The following LMX1A variants were observed in gnomAD, a reference collection of about 807,000 sequenced individuals.
LMX1A encodes LIM homeobox transcription factor 1 alpha.
LMX1A carries 15 observed loss-of-function variants against 49.1 expected under a neutral mutation model. That is an observed-to-expected ratio of 0.31 (90% CI 0.20 to 0.47). LMX1A has a LOEUF of 0.47. Among genes scored for constraint, LMX1A ranks in the 20% least tolerant of loss-of-function variants. LMX1A has a pLI of 1.00. For missense variants in LMX1A, 372 were observed against 475.8 expected, an observed-to-expected ratio of 0.78 and a Z score of 2.03; for synonymous variants, 167 against 185.7, an observed-to-expected ratio of 0.90 and a Z score of 0.82.
intron 4 of LMX1A, among the ~76,000 whole-genome samples, chr1:165,235,330 G>A (rs913191413): frequency 1.8e-4 from 27 of 152,162 alleles, no homozygotes; most frequent in African/African-American, 6.0e-4. Context: ...GAGCGAAAGA[G>A]GGAAGGCAAT....
chr1:165,258,485 C>A (rs968311896), intron 3 of LMX1A, among the ~76,000 whole-genome samples: 1 of 152,072 alleles, frequency 6.6e-6, no homozygotes, highest in African/African-American at 2.4e-5. Flanking sequence ...GAGACAGTCT[C>A]AAGACTCTGC....
chr1:165,345,457 T>C (rs1480076629), intron 3 of LMX1A, among the ~76,000 whole-genome samples: 1 of 152,224 alleles, frequency 6.6e-6, no homozygotes, highest in Non-Finnish European at 1.5e-5. Flanking sequence ...GCCAGGCTTC[T>C]GGCCAAATGA....
chr1:165,227,950 T>C (rs1212710665), intron 4 of LMX1A, among the ~76,000 whole-genome samples: 1 of 152,214 alleles, frequency 6.6e-6, no homozygotes, highest in Non-Finnish European at 1.5e-5. Flanking sequence ...ATTCGTGCAT[T>C]TGACAAACAT....
At chr1:165,216,316 G>A (rs1433998508) in intron 4 of LMX1A, among the ~76,000 whole-genome samples, 1 of 152,204 alleles carries the variant, frequency 6.6e-6, no homozygotes, top group Non-Finnish European at 1.5e-5. Flanking sequence ...GCACAGATTT[G>A]CCCTGGATAG....
At chr1:165,251,884 A>G (rs571965964) in intron 3 of LMX1A, among the ~76,000 whole-genome samples, 1 of 152,242 alleles carries the variant, frequency 6.6e-6, no homozygotes, top group Non-Finnish European at 1.5e-5. Context: ...TCTCAAAACT[A>G]CAATATGAAA....
At chr1:165,239,520 A>C (rs1359552291) in intron 4 of LMX1A, among the ~76,000 whole-genome samples, 2 of 152,206 alleles carry the variant, frequency 1.3e-5, no homozygotes, top group Non-Finnish European at 2.9e-5. Flanking sequence ...AGAAGACAAA[A>C]GTTCAGCATA....
At chr1:165,216,804 A>T (rs1352089538) in intron 4 of LMX1A, among the ~76,000 whole-genome samples, 1 of 152,208 alleles carries the variant, frequency 6.6e-6, no homozygotes, top group Admixed American at 6.5e-5. Context: ...CATGGTATCT[A>T]CAAGCATGGC....
intron 3 of LMX1A, among the ~76,000 whole-genome samples, chr1:165,261,861 C>T (rs1036745995): frequency 6.6e-6 from 1 of 151,874 alleles, no homozygotes; most frequent in Non-Finnish European, 1.5e-5. Context: ...CAGTTGCTTC[C>T]AGGAAAAGAA....
At chr1:165,282,760 G>C (rs1654191829) in intron 3 of LMX1A, among the ~76,000 whole-genome samples, 1 of 152,150 alleles carries the variant, frequency 6.6e-6, no homozygotes, top group South Asian at 2.1e-4. Context: ...TCTTCAACCA[G>C]TCCTTCTAGG....
chr1:165,339,003 G>C (rs1468517626), intron 3 of LMX1A, among the ~76,000 whole-genome samples: 4 of 152,182 alleles, frequency 2.6e-5, no homozygotes, highest in South Asian at 2.1e-4. Context: ...CTGTTTGTGA[G>C]CATGTTCCAC....
chr1:165,243,862 G>T (rs997398657), intron 4 of LMX1A, among the ~76,000 whole-genome samples: 1 of 152,208 alleles, frequency 6.6e-6, no homozygotes, highest in African/African-American at 2.4e-5. Flanking sequence ...TAAAATCCTT[G>T]AACACTCCAT....
At chr1:165,342,416 C>T (rs1656103337) in intron 3 of LMX1A, among the ~76,000 whole-genome samples, 1 of 152,148 alleles carries the variant, frequency 6.6e-6, no homozygotes, top group Non-Finnish European at 1.5e-5. Context: ...CAGACAAGCT[C>T]CCAGGACAAA....
chr1:165,225,684 G>A (rs1016578540), intron 4 of LMX1A, among the ~76,000 whole-genome samples: 1 of 152,238 alleles, frequency 6.6e-6, no homozygotes, highest in Non-Finnish European at 1.5e-5. Flanking sequence ...CTGGTGGGCT[G>A]GTGAAAACAC....
intron 3 of LMX1A, among the ~76,000 whole-genome samples, chr1:165,268,992 C>T (rs1653707435): frequency 6.6e-6 from 1 of 152,162 alleles, no homozygotes; most frequent in Non-Finnish European, 1.5e-5. Flanking sequence ...TAGTATGTGG[C>T]CTCTTCTAGA....
intron 3 of LMX1A, among the ~76,000 whole-genome samples, chr1:165,304,976 T>C (rs1337721746): frequency 6.6e-6 from 1 of 152,206 alleles, no homozygotes; most frequent in Non-Finnish European, 1.5e-5. Context: ...AGTTATAACC[T>C]GCACATTGTT....
intron 3 of LMX1A, among the ~76,000 whole-genome samples, chr1:165,335,812 T>G (rs1407563681): frequency 6.6e-6 from 1 of 152,120 alleles, no homozygotes; most frequent in Non-Finnish European, 1.5e-5. Flanking sequence ...TTTTTTTTCT[T>G]GAATCTGATG....
intron 3 of LMX1A, among the ~76,000 whole-genome samples, chr1:165,281,606 G>A (rs938240940): frequency 6.6e-6 from 1 of 152,186 alleles, no homozygotes; most frequent in African/African-American, 2.4e-5. Context: ...AGGCAGAGAG[G>A]AAAGCAGGCT....
In LMX1A at chr1:165,205,770, G is replaced by A. The variant is rs965507810; in HGVS notation, c.988+94C>T. The stretch of plus-strand genomic sequence containing the variant: ...GCACATTATTCTGCTTTGGAACTTC[G>A]GTGAGCATCTGGGAACTGCCTAGAT... On this transcript the variant is annotated intron_variant, in intron 8 of 8. Transcript: ENST00000342310. 5.1e-5 allele frequency: 61 copies of A among 1,202,364 alleles called. 1 individual carries two copies. The highest frequency in any genetic ancestry group is 1.7e-4 in the South Asian group (12 of 71,062). The allele number at this position is 1,202,364 out of a possible 1,614,324, so 74.5% of individuals were successfully genotyped here. A position where few individuals can be genotyped will look rare whatever the true frequency, so the allele number is the denominator to read the frequency against.
At chr1:165,337,454 C>T (rs116223405) in intron 3 of LMX1A, among the ~76,000 whole-genome samples, 9 of 152,274 alleles carry the variant, frequency 5.9e-5, no homozygotes, top group Middle Eastern at 3.4e-3. Context: ...TATACCAAAA[C>T]GAGCTTTAAA....
Sources: allele counts gnomAD v4.1 joint callset (sites outside exome capture counted in the v4.1 genomes callset), GRCh38; gene constraint gnomAD v4.1.1; transcripts MANE v1.5; gene names NCBI Gene and HGNC (gene_info 2026-07-23, HGNC 2026-07-21).